Variants in ATRNL1 observed in about 807,000 individuals in gnomAD.
ATRNL1 encodes the protein attractin like 1.
A neutral mutation model predicts 182.7 loss-of-function variants in ATRNL1; 95 were observed. That is an observed-to-expected ratio of 0.52 (90% CI 0.44 to 0.62). The LOEUF (loss-of-function observed/expected upper bound fraction) is 0.62. Ranked by LOEUF, ATRNL1 falls within the 20% of genes least tolerant of loss-of-function variation. ATRNL1 has a pLI of 0.00. For missense variants in ATRNL1, 1,471 were observed against 1,679.5 expected (o/e 0.88, Z 2.17); for synonymous variants, 576 against 568.3 (o/e 1.01, Z -0.19).
rs190677399 is a variant in ATRNL1 at position 115,603,909 on chromosome 10, T to G, written c.3795+54373T>G. Among the ~76,000 whole-genome samples the G allele has an allele frequency of 3.0e-3, 464 of 152,286 alleles. 1 individual carries two copies. Among genetic ancestry groups the G allele is most frequent in the African/African-American group, 0.01 (418 of 41,580 alleles). ...TTTGCCTGCAGTTTTCAAAGATATTTTTACTGATTATAGAATTCTAGGTGG... is the reference window on the plus strand; with the variant it reads ...TTTGCCTGCAGTTTTCAAAGATATTGTTACTGATTATAGAATTCTAGGTGG... On this transcript the variant is annotated intron_variant, in intron 26 of 28. Transcript: ENST00000355044.
intron 26 of ATRNL1, among the ~76,000 whole-genome samples, chr10:115,609,006 T>C (rs1857011220): frequency 1.3e-5 from 2 of 152,002 alleles, no homozygotes; most frequent in African/African-American, 4.8e-5. Context: ...CTAAATAATA[T>C]ACTTGTATTA....
At chr10:115,598,692 AG>A (rs1380993229) in intron 26 of ATRNL1, among the ~76,000 whole-genome samples, 1 of 152,168 alleles carries the variant, frequency 6.6e-6, no homozygotes, top group African/African-American at 2.4e-5. Context: ...TCTTTATAAA[AG>A]TAACTATGTC....
At chr10:115,326,639 C>A (rs1210214776) in intron 18 of ATRNL1, among the ~76,000 whole-genome samples, 2 of 151,512 alleles carry the variant, frequency 1.3e-5, no homozygotes, top group Middle Eastern at 3.4e-3. Flanking sequence ...AATCCTAAGC[C>A]AAAAGAACAA....
chr10:115,886,195 C>T (rs181131692), intron 28 of ATRNL1, among the ~76,000 whole-genome samples: 1 of 152,250 alleles, frequency 6.6e-6, no homozygotes, highest in African/African-American at 2.4e-5. Flanking sequence ...TGAGCCATCA[C>T]ATGGAGGTAG....
chr10:115,425,334 AATT>A (rs1845835589), intron 20 of ATRNL1, among the ~76,000 whole-genome samples: 1 of 125,136 alleles, frequency 8.0e-6, no homozygotes, highest in Non-Finnish European at 1.7e-5. Context: ...TGTATGTAAT[AATT>A]ACTTAAACCA....
intron 27 of ATRNL1, chr10:115,819,749 A>G (rs1555089686): frequency 6.6e-6 from 1 of 152,168 alleles, no homozygotes; most frequent in Non-Finnish European, 1.5e-5. Context: ...TGAAATAGGC[A>G]GAGTTTTTCA....
At chr10:115,382,932 G>C (rs1858109058) in intron 19 of ATRNL1, among the ~76,000 whole-genome samples, 2 of 151,760 alleles carry the variant, frequency 1.3e-5, no homozygotes, top group Admixed American at 6.6e-5. Context: ...GTAATGGTTT[G>C]TTTTGGGACT....
chr10:115,555,191 C>G (rs370163906), intron 26 of ATRNL1, among the ~76,000 whole-genome samples: 1 of 151,592 alleles, frequency 6.6e-6, no homozygotes, highest in Non-Finnish European at 1.5e-5. Context: ...CACAGGAACT[C>G]AGAGAGAAGT....
chr10:115,847,563 T>C (rs2134355042), intron 27 of ATRNL1, among the ~76,000 whole-genome samples: 1 of 152,282 alleles, frequency 6.6e-6, no homozygotes, highest in East Asian at 1.9e-4. Flanking sequence ...TTTTGAATTG[T>C]GATCACTTAA....
At chr10:115,876,115 G>C (rs531722500) in intron 28 of ATRNL1, among the ~76,000 whole-genome samples, 5 of 152,284 alleles carry the variant, frequency 3.3e-5, no homozygotes, top group African/African-American at 1.2e-4. Context: ...ACCCAGCTCA[G>C]AATCTACAGA....
In ATRNL1 at chr10:115,399,779, G is replaced by A. The variant is rs951356323; in HGVS notation, c.3269+5027G>A. On this transcript the variant is annotated intron_variant, in intron 20 of 28. Coordinates refer to ENST00000355044, the MANE Select transcript of ATRNL1 (RefSeq NM_207303.4). ...ATGGTGTTAGGTTGTTAACTTGAGA[G>A]CTTTCTAACTTTTTGATGTGGACAT... 4.6e-5 allele frequency among the ~76,000 whole-genome samples: 7 copies of A among 151,956 alleles called. No homozygotes were observed. In the South Asian group the frequency reaches 1.0e-3, roughly 22 times the overall value.
At chr10:115,804,918 A>G (rs577567086) in intron 27 of ATRNL1, among the ~76,000 whole-genome samples, 44 of 152,352 alleles carry the variant, frequency 2.9e-4, no homozygotes, top group African/African-American at 1.0e-3. Flanking sequence ...AGTTTAGTCT[A>G]TAGTTTTGTA....
chr10:115,377,253 A>G (rs149379973), intron 19 of ATRNL1, among the ~76,000 whole-genome samples: 1 of 152,246 alleles, frequency 6.6e-6, no homozygotes, highest in African/African-American at 2.4e-5. Flanking sequence ...AGTTTTTCCC[A>G]TACTGTTCTT....
intron 11 of ATRNL1, among the ~76,000 whole-genome samples, 162 bp downstream of exon 11, chr10:115,265,439 CT>C (rs1331188185): frequency 1.1e-4 from 16 of 151,542 alleles, no homozygotes; most frequent in Non-Finnish European, 2.2e-4. Context: ...TCAATCATAT[CT>C]TTTTTTCCTT....
chr10:115,126,729 A>G (rs1383296741), intron 3 of ATRNL1, among the ~76,000 whole-genome samples: 1 of 152,228 alleles, frequency 6.6e-6, no homozygotes, highest in Non-Finnish European at 1.5e-5. Context: ...GTACCTAAAC[A>G]TAATTTTAAC....
intron 19 of ATRNL1, among the ~76,000 whole-genome samples, chr10:115,389,540 G>GTGTATGTATA (rs1279140127): frequency 6.7e-5 from 3 of 44,488 alleles, no homozygotes; most frequent in African/African-American, 2.3e-4. Context: ...ATGTGTATGT[G>GTGTATGTATA]TATATATATA....
intron 26 of ATRNL1, among the ~76,000 whole-genome samples, chr10:115,640,069 G>C (rs1859140909): frequency 6.6e-6 from 1 of 152,030 alleles, no homozygotes. Context: ...TGTTAATGAT[G>C]GTTTCCAGCT....
intron 10 of ATRNL1, among the ~76,000 whole-genome samples, chr10:115,244,299 T>C (rs977242472): frequency 3.3e-5 from 5 of 152,182 alleles, no homozygotes; most frequent in Non-Finnish European, 7.4e-5. Flanking sequence ...ACAGTAAATT[T>C]TATACAGTCA....
At chr10:115,199,510 GCTGAGATTGCACCA>G (rs1554891804) in intron 8 of ATRNL1, among the ~76,000 whole-genome samples, 1 of 152,008 alleles carries the variant, frequency 6.6e-6, no homozygotes, top group African/African-American at 2.4e-5. Flanking sequence ...GTTGCAGTGA[GCTGAGATTGCACCA>G]CTGCACTTCA....
Sources: gnomAD v4.1 joint callset for allele counts (sites outside exome capture counted in the v4.1 genomes callset) on GRCh38, gnomAD v4.1.1 for gene constraint, MANE v1.5 for transcripts, NCBI Gene and HGNC (gene_info 2026-07-23, HGNC 2026-07-21) for gene names.